CSMD1: variants seen among roughly 807,000 people sequenced by gnomAD.
CSMD1 encodes CUB and sushi domain-containing protein 1.
A neutral mutation model predicts 417.5 loss-of-function variants in CSMD1; 213 were observed. That is an observed-to-expected ratio of 0.51 (90% CI 0.46 to 0.57). The LOEUF (loss-of-function observed/expected upper bound fraction) is 0.57. Ranked by LOEUF, CSMD1 falls within the 20% of genes least tolerant of loss-of-function variation. CSMD1 has a pLI of 0.00. For synonymous variants in CSMD1, 2,862 were observed against 1,736.8 expected (o/e 1.65, Z -16.11); for missense variants, 6,923 against 4,529.7 (o/e 1.53, Z -15.17).
chr8:4,462,320 A>C (rs1441461375), intron 2 of CSMD1, among the ~76,000 whole-genome samples: 2 of 152,318 alleles, frequency 1.3e-5, no homozygotes, highest in East Asian at 3.9e-4. Context: ...ATATTCCAAA[A>C]ACTATAAGTG....
chr8:3,518,807 C>A lies in CSMD1; in HGVS notation c.1345-25081G>T, dbSNP rs370934610. 2.6e-5 allele frequency among the ~76,000 whole-genome samples: 4 copies of A among 152,238 alleles called. No individual in the cohort carries two copies. In the East Asian group the frequency reaches 7.7e-4, roughly 29 times the overall value. On this transcript the variant is annotated intron_variant, in intron 10 of 69. Coordinates refer to ENST00000635120, the MANE Select transcript of CSMD1 (RefSeq NM_033225.6). Reference sequence around the variant, plus strand: ...TTACTAGATGGAACTAGACACCATGCAAACTTTCTATAAATCAAACTAATA... The same window carrying A: ...TTACTAGATGGAACTAGACACCATGAAAACTTTCTATAAATCAAACTAATA...
intron 2 of CSMD1, among the ~76,000 whole-genome samples, chr8:4,551,661 A>G (rs1797873904): frequency 6.6e-6 from 1 of 151,940 alleles, no homozygotes; most frequent in Non-Finnish European, 1.5e-5. Context: ...AACACTTCTC[A>G]GGATCAATTT....
chr8:4,748,088 T>C (rs1265928283), intron 1 of CSMD1, among the ~76,000 whole-genome samples: 1 of 152,196 alleles, frequency 6.6e-6, no homozygotes, highest in Non-Finnish European at 1.5e-5. Context: ...TGTTGAAATA[T>C]GACTGATGAA....
At chr8:4,399,141 A>G (rs1291981870) in intron 3 of CSMD1, among the ~76,000 whole-genome samples, 1 of 152,202 alleles carries the variant, frequency 6.6e-6, no homozygotes, top group Non-Finnish European at 1.5e-5. Context: ...GGGAATAATG[A>G]TAAAACTTTG....
Position 4,710,701 on chromosome 8 carries a change from C to T in CSMD1, c.86-73143G>A, listed in dbSNP as rs371895739. 4.0e-5 allele frequency among the ~76,000 whole-genome samples: 6 copies of T among 151,552 alleles called. No homozygotes were observed. In the East Asian group the frequency reaches 1.2e-3, roughly 29 times the overall value. ...TCTACTAAAAATACAAAAAATTAGC[C>T]CAGCATGGGGCCACATGCCTGTAAT... On this transcript the variant is annotated intron_variant, in intron 1 of 69. Coordinates refer to ENST00000635120, the MANE Select transcript of CSMD1 (RefSeq NM_033225.6).
intron 3 of CSMD1, among the ~76,000 whole-genome samples, chr8:4,139,162 G>A (rs920822425): frequency 3.7e-4 from 56 of 152,260 alleles, no homozygotes; most frequent in African/African-American, 1.3e-3. Context: ...TTTATCACAT[G>A]AAACCCTTTA....
At chr8:4,101,310 G>C (rs1002344842) in intron 3 of CSMD1, among the ~76,000 whole-genome samples, 1 of 152,140 alleles carries the variant, frequency 6.6e-6, no homozygotes, top group Non-Finnish European at 1.5e-5. Flanking sequence ...AGTTTCACTT[G>C]AACAGCTGTG....
At chr8:3,786,073 G>C (rs2623665) in intron 5 of CSMD1, among the ~76,000 whole-genome samples, 2 of 151,992 alleles carry the variant, frequency 1.3e-5, no homozygotes, top group Non-Finnish European at 2.9e-5. Flanking sequence ...GAATGAGCAG[G>C]CCTCATTGAA....
chr8:3,347,944 T>C, intron 22 of CSMD1, 48 bp downstream of exon 22: 1 of 1,372,966 alleles, frequency 7.3e-7, no homozygotes, highest in Non-Finnish European at 9.9e-7. Flanking sequence ...CAATGTATTT[T>C]TTGAGAAGAA....
chr8:3,813,496 A>G (rs1320100677), intron 5 of CSMD1, among the ~76,000 whole-genome samples: 2 of 152,174 alleles, frequency 1.3e-5, no homozygotes, highest in African/African-American at 4.8e-5. Flanking sequence ...ATGTGCATTA[A>G]AAGAAGGGCT....
chr8:4,346,760 T>C (rs1039222733), intron 3 of CSMD1, among the ~76,000 whole-genome samples: 3 of 152,320 alleles, frequency 2.0e-5, no homozygotes, highest in South Asian at 4.1e-4. Context: ...AGAATTCTTA[T>C]CAAAATTCAA....
chr8:4,010,571 T>C (rs1316134505), intron 4 of CSMD1, among the ~76,000 whole-genome samples: 1 of 151,888 alleles, frequency 6.6e-6, no homozygotes, highest in Non-Finnish European at 1.5e-5. Flanking sequence ...GGCATCAGTT[T>C]CTACAGCTGC....
chr8:4,488,366 A>G (rs1250799201), intron 2 of CSMD1, among the ~76,000 whole-genome samples: 1 of 152,126 alleles, frequency 6.6e-6, no homozygotes, highest in Non-Finnish European at 1.5e-5. Flanking sequence ...CTTGACATAT[A>G]GAAACTTGTT....
intron 1 of CSMD1, among the ~76,000 whole-genome samples, chr8:4,667,284 T>C (rs186942207): frequency 9.9e-5 from 15 of 152,262 alleles, no homozygotes; most frequent in Non-Finnish European, 1.5e-4. Context: ...AATCAGAGTG[T>C]GTTAGTGATC....
At chr8:3,929,682 G>C (rs1206576624) in intron 5 of CSMD1, among the ~76,000 whole-genome samples, 1 of 146,600 alleles carries the variant, frequency 6.8e-6, no homozygotes, top group Non-Finnish European at 1.5e-5. Flanking sequence ...TTTTTTTTGA[G>C]ATGGAGTTTC....
At chr8:4,566,340 G>C (rs554831252) in intron 2 of CSMD1, among the ~76,000 whole-genome samples, 1 of 152,204 alleles carries the variant, frequency 6.6e-6, no homozygotes, top group African/African-American at 2.4e-5. Flanking sequence ...TATGACAAGA[G>C]TCCATGAAAA....
Position 4,358,391 on chromosome 8 carries a change from G to C in CSMD1, c.415+61562C>G, listed in dbSNP as rs538408466. Among the ~76,000 whole-genome samples the C allele has an allele frequency of 2.0e-5, 3 of 152,208 alleles. No individual in the cohort carries two copies. In the East Asian group the frequency reaches 5.8e-4, roughly 30 times the overall value. ...TAATGGTTGAAAAGAAAAAGAAGGG[G>C]ACTGTTTCGTGACACGTGAAAATAT... On this transcript the variant is annotated intron_variant, in intron 3 of 69. Transcript: ENST00000635120.
chr8:4,581,782 T>G (rs192990220), intron 2 of CSMD1, among the ~76,000 whole-genome samples: 3 of 152,150 alleles, frequency 2.0e-5, no homozygotes, highest in Non-Finnish European at 4.4e-5. Context: ...CAATTGCCTA[T>G]TGGCTATTGC....
intron 53 of CSMD1, 148 bp downstream of exon 53, chr8:2,999,810 C>T (rs1344196474): frequency 1.1e-5 from 7 of 611,008 alleles, no homozygotes; most frequent in African/African-American, 9.4e-5. Context: ...GGCACCTCTC[C>T]TGTTCTCTTT....
Sources: allele counts gnomAD v4.1 joint callset (sites outside exome capture counted in the v4.1 genomes callset), GRCh38; gene constraint gnomAD v4.1.1; transcripts MANE v1.5; gene names NCBI Gene and HGNC (gene_info 2026-07-23, HGNC 2026-07-21).